Variants in GSE1 observed in about 807,000 individuals in gnomAD.
GSE1 encodes the protein genetic suppressor element 1.
In GSE1, 32 loss-of-function variants were observed where a neutral mutation model predicts 112.6. That is an observed-to-expected ratio of 0.28 (90% CI 0.21 to 0.38). GSE1 has a LOEUF of 0.38. GSE1 is among the 10% of genes least tolerant of loss of function. The pLI, the probability that GSE1 is intolerant of heterozygous loss-of-function variation, is 1.00. For missense variants in GSE1, 2,348 were observed against 1,699.2 expected, an observed-to-expected ratio of 1.38 and a Z score of -6.71; for synonymous variants, 1,115 against 735.6, an observed-to-expected ratio of 1.52 and a Z score of -8.35.
At position 85,214,034 on chromosome 16, in the gene GSE1, C is replaced by T. The variant is rs73257905; in HGVS notation, c.2283+42227C>T. 5.3e-3 allele frequency among the ~76,000 whole-genome samples: 812 copies of T among 152,332 alleles called. 7 individuals are homozygous for T. Among genetic ancestry groups the T allele is most frequent in the African/African-American group, 0.018 (758 of 41,572 alleles). ...AGGGCATCTCTTGCCAGGCTGGCAC[C>T]GGCATCGTTCCACTGGGTACATAAT... On this transcript the variant is annotated intron_variant, in intron 1 of 2. Transcript: ENST00000637419.
chr16:85,258,504 A>G (rs1907318258), intron 1 of GSE1, among the ~76,000 whole-genome samples: 1 of 152,312 alleles, frequency 6.6e-6, no homozygotes, highest in East Asian at 1.9e-4. Context: ...GCCCTCTTGC[A>G]TCCTGCGGCC....
chr16:85,419,806 G>A lies in GSE1; in HGVS notation c.2464+62163G>A, dbSNP rs116535511. Among the ~76,000 whole-genome samples, 1,323 of 151,684 alleles carry A rather than the reference G, an allele frequency of 8.7e-3. 18 individuals are homozygous for A. Among genetic ancestry groups the A allele is most frequent in the African/African-American group, 0.031 (1,261 of 41,296 alleles). ...ACTCTGATGGAAATGGTCCGAGTAGGGCTTCTGCAGGGCCAGCCAGGAACT... is the reference window on the plus strand; with the variant it reads ...ACTCTGATGGAAATGGTCCGAGTAGAGCTTCTGCAGGGCCAGCCAGGAACT... On this transcript the variant is annotated intron_variant, in intron 2 of 2. Transcript: ENST00000637419. The surrounding 1 kb of genome is among the most constrained non-coding windows in gnomAD (Gnocchi z 6.5).
intron 15 of GSE1, among the ~76,000 whole-genome samples, chr16:85,671,509 T>C (rs2053339094): frequency 6.6e-6 from 1 of 150,812 alleles, no homozygotes; most frequent in Non-Finnish European, 1.5e-5. Flanking sequence ...CCCAGCACTT[T>C]GGGAGGCTGA....
intron 2 of GSE1, among the ~76,000 whole-genome samples, chr16:85,399,160 G>C (rs2048033968): frequency 6.6e-6 from 1 of 152,168 alleles, no homozygotes; most frequent in Admixed American, 6.5e-5. Flanking sequence ...TCTGTATTGT[G>C]TGCATATGAC....
chr16:85,546,928 A>T (rs943240485), intron 2 of GSE1, among the ~76,000 whole-genome samples: 3 of 152,170 alleles, frequency 2.0e-5, no homozygotes, highest in Non-Finnish European at 4.4e-5. Context: ...GCCACGTCCG[A>T]TGATCTCCGG....
At chr16:85,579,471 G>C (rs981263125) in intron 1 of GSE1, among the ~76,000 whole-genome samples, 2 of 152,198 alleles carry the variant, frequency 1.3e-5, no homozygotes, top group African/African-American at 4.8e-5. Context: ...AATCCGGCCT[G>C]GCCCTGGCGC....
At chr16:85,639,003 C>T (rs76980809) in intron 2 of GSE1, among the ~76,000 whole-genome samples, 1,851 of 152,272 alleles carry the variant, frequency 0.012, 29 homozygotes, top group African/African-American at 0.042. Context: ...CCGGGCCCCA[C>T]GCAGAACATT....
intron 1 of GSE1, among the ~76,000 whole-genome samples, chr16:85,566,750 T>A (rs1053658622): frequency 1.3e-5 from 2 of 152,230 alleles, no homozygotes; most frequent in Non-Finnish European, 2.9e-5. Flanking sequence ...TGGTCCTAAC[T>A]TCTGTCGTCT....
At chr16:85,605,286 C>T (rs1278104040) in intron 1 of GSE1, among the ~76,000 whole-genome samples, 2 of 151,922 alleles carry the variant, frequency 1.3e-5, no homozygotes, top group Non-Finnish European at 2.9e-5. Context: ...CAAGGCCTCT[C>T]CTAATGTCGG....
intron 2 of GSE1, among the ~76,000 whole-genome samples, chr16:85,540,297 A>C (rs944583151): frequency 3.9e-5 from 6 of 152,174 alleles, no homozygotes; most frequent in Non-Finnish European, 2.9e-5. Context: ...CTTGATGTTC[A>C]ATGGGCAGCA....
chr16:85,469,409 G>A (rs2050219325), intron 2 of GSE1, among the ~76,000 whole-genome samples: 1 of 152,214 alleles, frequency 6.6e-6, no homozygotes. Context: ...CCCACCAGAT[G>A]CTGGAAGGGG....
chr16:85,412,803 G>C (rs1024765583), intron 2 of GSE1, among the ~76,000 whole-genome samples: 1 of 152,160 alleles, frequency 6.6e-6, no homozygotes, highest in Non-Finnish European at 1.5e-5. Flanking sequence ...TGCAACTGTT[G>C]ATTTAATCAC....
At chr16:85,350,142 C>T (rs2046824699) in intron 1 of GSE1, among the ~76,000 whole-genome samples, 1 of 152,154 alleles carries the variant, frequency 6.6e-6, no homozygotes, top group Non-Finnish European at 1.5e-5. Context: ...TGGCACCTGG[C>T]ACATAGTAGG....
At chr16:85,555,210 GATA>G, upstream of GSE1, 1 of 985,370 alleles carries the variant, frequency 1.0e-6, no homozygotes, top group Non-Finnish European at 1.2e-6. Context: ...CCAATTTACC[GATA>G]ATGATTCTTG....
chr16:85,291,481 G>A (rs1044117601), intron 1 of GSE1, among the ~76,000 whole-genome samples: 4 of 152,118 alleles, frequency 2.6e-5, no homozygotes, highest in Non-Finnish European at 5.9e-5. Context: ...CTCCTCCCCC[G>A]GCCCCCGCGT....
intron 1 of GSE1, among the ~76,000 whole-genome samples, chr16:85,588,673 C>G (rs916697039): frequency 6.6e-6 from 1 of 152,232 alleles, no homozygotes; most frequent in African/African-American, 2.4e-5. Flanking sequence ...TATTTCCCGA[C>G]TTGGCGGGCT....
intron 1 of GSE1, among the ~76,000 whole-genome samples, chr16:85,316,392 G>A (rs535520950): frequency 6.6e-6 from 1 of 152,306 alleles, no homozygotes; most frequent in East Asian, 1.9e-4. Context: ...CACAGGGCAC[G>A]TTTCGAGGGC....
At chr16:85,530,990 C>T (rs1396248979) in intron 2 of GSE1, among the ~76,000 whole-genome samples, 2 of 152,254 alleles carry the variant, frequency 1.3e-5, no homozygotes, top group Non-Finnish European at 2.9e-5. Flanking sequence ...GGCTGAACCC[C>T]ACCAGCCTGG....
chr16:85,201,367 T>A (rs1429799773), intron 1 of GSE1, among the ~76,000 whole-genome samples: 1 of 145,860 alleles, frequency 6.9e-6, no homozygotes, highest in African/African-American at 2.6e-5. Context: ...CTTCAGAAAG[T>A]GAACGTGAAG....
Sources: gnomAD v4.1 joint callset for allele counts (sites outside exome capture counted in the v4.1 genomes callset) on GRCh38, gnomAD v4.1.1 for gene constraint, Gnocchi (gnomAD v3.1) non-coding constraint, MANE v1.5 for transcripts, NCBI Gene and HGNC (gene_info 2026-07-23, HGNC 2026-07-21) for gene names.